The following SPOCK3 variants were observed in gnomAD, a reference collection of about 807,000 sequenced individuals.
SPOCK3 encodes testican-3.
SPOCK3 carries 30 observed loss-of-function variants against 56.6 expected under a neutral mutation model. That is an observed-to-expected ratio of 0.53 (90% confidence interval 0.40 to 0.72). SPOCK3 has a LOEUF of 0.72. Among genes scored for constraint, SPOCK3 ranks in the 30% least tolerant of loss-of-function variants. SPOCK3 has a pLI of 0.00. For missense variants in SPOCK3, 527 were observed against 530.0 expected, an observed-to-expected ratio of 0.99 and a Z score of 0.06; for synonymous variants, 196 against 183.3, an observed-to-expected ratio of 1.07 and a Z score of -0.56.
chr4:167,129,015 C>G (rs1036900284), intron 2 of SPOCK3, among the ~76,000 whole-genome samples: 3 of 152,132 alleles, frequency 2.0e-5, no homozygotes, highest in Non-Finnish European at 4.4e-5. Context: ...CTGCTCTATA[C>G]CCTTGATTCA....
chr4:167,189,222 A>G (rs1732267201), intron 2 of SPOCK3, among the ~76,000 whole-genome samples: 1 of 146,152 alleles, frequency 6.8e-6, no homozygotes, highest in Admixed American at 7.0e-5. Context: ...ACAATATATA[A>G]TAAGAAAAGT....
intron 6 of SPOCK3, among the ~76,000 whole-genome samples, chr4:166,841,306 G>C (rs1473731470): frequency 6.6e-6 from 1 of 152,124 alleles, no homozygotes; most frequent in Admixed American, 6.5e-5. Context: ...AGTTCCAGAT[G>C]TTAGCCATAC....
chr4:166,844,403 G>A (rs535915425), intron 6 of SPOCK3, among the ~76,000 whole-genome samples: 27 of 152,338 alleles, frequency 1.8e-4, no homozygotes, highest in African/African-American at 6.3e-4. Context: ...ATGGTATCCA[G>A]ATGTTTGATA....
At chr4:167,145,378 G>A (rs983738091) in intron 2 of SPOCK3, among the ~76,000 whole-genome samples, 1 of 152,076 alleles carries the variant, frequency 6.6e-6, no homozygotes, top group Non-Finnish European at 1.5e-5. Context: ...AGTGATATCT[G>A]AAGTTATAAA....
intron 3 of SPOCK3, among the ~76,000 whole-genome samples, chr4:167,029,913 T>C (rs948297440): frequency 6.6e-6 from 1 of 152,030 alleles, no homozygotes; most frequent in African/African-American, 2.4e-5. Flanking sequence ...TAATCATCCT[T>C]CTATTATTCA....
rs1753652174 is a variant in SPOCK3 at position 167,045,705 on chromosome 4, A to C, written c.235+16787T>G. ...TGCAAGTACCTTACAATAATAAAATATTTATAATTCCTTCTTTCCATAACT... is the reference window on the plus strand; with the variant it reads ...TGCAAGTACCTTACAATAATAAAATCTTTATAATTCCTTCTTTCCATAACT... On this transcript the variant is annotated intron_variant, in intron 3 of 10. Transcript: ENST00000357545. 2.6e-5 allele frequency among the ~76,000 whole-genome samples: 4 copies of C among 152,132 alleles called. No homozygotes were observed. The South Asian group carries it at 8.3e-4, about 32-fold the overall frequency.
rs1743733232 is a variant in SPOCK3 at position 166,811,161 on chromosome 4, T to A, written c.590-18872A>T. On this transcript the variant is annotated intron_variant, in intron 6 of 10. Transcript: ENST00000357545. Reference sequence around the variant, plus strand: ...CCCATTATCAATTGTTTTACCTAACTTTTGTCTTTTGTAATCCTCTGAATT... The same window carrying A: ...CCCATTATCAATTGTTTTACCTAACATTTGTCTTTTGTAATCCTCTGAATT... Among the ~76,000 whole-genome samples, 5 of 152,014 alleles carry A rather than the reference T, an allele frequency of 3.3e-5. No homozygotes were observed. In the South Asian group the frequency reaches 1.0e-3, roughly 31 times the overall value.
At chr4:167,030,528 G>A (rs10012353) in intron 3 of SPOCK3, among the ~76,000 whole-genome samples, 54,992 of 151,920 alleles carry the variant, frequency 0.36, 12,332 homozygotes, top group African/African-American at 0.64. Context: ...GCAAGAAAAT[G>A]ACATTCTGTA....
intron 2 of SPOCK3, among the ~76,000 whole-genome samples, chr4:167,129,671 A>C (rs1380462480): frequency 6.6e-6 from 1 of 152,180 alleles, no homozygotes; most frequent in South Asian, 2.1e-4. Flanking sequence ...ATGTAGAATC[A>C]TAAAACATGT....
intron 5 of SPOCK3, among the ~76,000 whole-genome samples, chr4:166,892,227 T>C (rs1018621449): frequency 6.6e-6 from 1 of 151,982 alleles, no homozygotes; most frequent in East Asian, 1.9e-4. Flanking sequence ...CAATTTAAAA[T>C]TTCAAAGCTG....
intron 6 of SPOCK3, among the ~76,000 whole-genome samples, chr4:166,809,312 C>G (rs1006167967): frequency 6.6e-6 from 1 of 151,872 alleles, no homozygotes; most frequent in African/African-American, 2.4e-5. Flanking sequence ...ATTCAGAAAT[C>G]TCTTGTTAAA....
At chr4:167,085,546 T>C (rs904888700) in intron 2 of SPOCK3, among the ~76,000 whole-genome samples, 4 of 152,102 alleles carry the variant, frequency 2.6e-5, no homozygotes, top group African/African-American at 9.6e-5. Context: ...TTTCTTTTAA[T>C]GAGGGAGAGC....
intron 5 of SPOCK3, among the ~76,000 whole-genome samples, chr4:166,896,828 T>C (rs1213476790): frequency 6.6e-6 from 1 of 152,190 alleles, no homozygotes; most frequent in Non-Finnish European, 1.5e-5. Context: ...GTATAAAAAT[T>C]CTAGGAACTT....
rs148572073 is a variant in SPOCK3 at position 166,829,069 on chromosome 4, G to C, written c.590-36780C>G. Among the ~76,000 whole-genome samples, 52 of 152,086 alleles carry C rather than the reference G, an allele frequency of 3.4e-4. No individual in the cohort carries two copies. The East Asian group carries it at 5.2e-3, about 15-fold the overall frequency. ...ACATAACTGATAGTGGGTCTACCTG[G>C]TTTTTGCAAGTGGTTTCCACAAATC... On this transcript the variant is annotated intron_variant, in intron 6 of 10. Coordinates refer to ENST00000357545, the MANE Select transcript of SPOCK3 (RefSeq NM_001040159.2).
intron 6 of SPOCK3, among the ~76,000 whole-genome samples, chr4:166,851,159 C>T (rs1385635264): frequency 6.6e-6 from 1 of 152,204 alleles, no homozygotes; most frequent in Non-Finnish European, 1.5e-5. Context: ...GGTCCCTAAC[C>T]CCTGACCCCC....
At chr4:167,018,955 C>A (rs922818642) in intron 3 of SPOCK3, among the ~76,000 whole-genome samples, 1 of 152,042 alleles carries the variant, frequency 6.6e-6, no homozygotes, top group African/African-American at 2.4e-5. Context: ...CACTAGTTCT[C>A]AAGTCCCTCA....
intron 2 of SPOCK3, among the ~76,000 whole-genome samples, chr4:167,199,736 T>TAATAAC (rs1561315001): frequency 7.1e-6 from 1 of 139,862 alleles, no homozygotes; most frequent in African/African-American, 2.6e-5. Context: ...ATAATAATAA[T>TAATAAC]AACTTTAAGT....
intron 2 of SPOCK3, among the ~76,000 whole-genome samples, chr4:167,145,321 A>G (rs1019033367): frequency 6.6e-6 from 1 of 152,076 alleles, no homozygotes; most frequent in African/African-American, 2.4e-5. Context: ...GAAGAAACCT[A>G]TTGCATAATC....
intron 6 of SPOCK3, among the ~76,000 whole-genome samples, chr4:166,877,621 C>CCATTT (rs1338172915): frequency 6.6e-6 from 1 of 152,066 alleles, no homozygotes; most frequent in Non-Finnish European, 1.5e-5. Flanking sequence ...TTTCCACAAT[C>CCATTT]CATTTCAGAG....
Sources: allele counts gnomAD v4.1 joint callset (sites outside exome capture counted in the v4.1 genomes callset), GRCh38; gene constraint gnomAD v4.1.1; transcripts MANE v1.5; gene names NCBI Gene and HGNC (gene_info 2026-07-23, HGNC 2026-07-21).